Variants in SPATA13 observed in about 807,000 individuals in gnomAD.
SPATA13 encodes spermatogenesis associated 13, also known as spermatogenesis-associated protein 13.
In SPATA13, 50 loss-of-function variants were observed where a neutral mutation model predicts 104.0. That is an observed-to-expected ratio of 0.48 (90% CI 0.38 to 0.61). The LOEUF is 0.61. Ranked by LOEUF, SPATA13 falls within the 20% of genes least tolerant of loss-of-function variation. SPATA13 has a pLI of 0.00. For missense variants in SPATA13, 1,524 were observed against 1,690.6 expected (o/e 0.90, Z 1.73); for synonymous variants, 606 against 667.5 (o/e 0.91, Z 1.42).
intron 4 of SPATA13, among the ~76,000 whole-genome samples, chr13:24,265,173 C>G (rs1260778577): frequency 6.6e-6 from 1 of 152,188 alleles, no homozygotes; most frequent in African/African-American, 2.4e-5. Flanking sequence ...GCCCGCCCCT[C>G]CTGTGGTGAA....
chr13:24,084,148 A>T (rs1239899860), intron 3 of SPATA13, among the ~76,000 whole-genome samples: 1 of 152,210 alleles, frequency 6.6e-6, no homozygotes, highest in Non-Finnish European at 1.5e-5. Context: ...CCTGATCCTA[A>T]TTATCTTCCG....
rs962137243 is a variant in SPATA13, at chr13:24,105,861, G to C, written c.-112+88160G>C. On this transcript the variant is annotated intron_variant, in intron 3 of 14. Transcript: ENST00000424834. ...AGAAATTAGGACACAGACACACACA[G>C]AGGGTAGACCTTGTGAAGACACAGG... Among the ~76,000 whole-genome samples the C allele has an allele frequency of 5.9e-5, 9 of 152,142 alleles. No individual in the cohort carries two copies. The South Asian group carries it at 8.3e-4, about 14-fold the overall frequency.
chr13:24,271,151 G>A (rs1490796411), intron 4 of SPATA13, among the ~76,000 whole-genome samples: 1 of 151,848 alleles, frequency 6.6e-6, no homozygotes, highest in Non-Finnish European at 1.5e-5. Flanking sequence ...TTTTAGTTGT[G>A]GACATAGTCA....
chr13:24,142,993 G>T (rs572455372), intron 3 of SPATA13, among the ~76,000 whole-genome samples: 1 of 152,156 alleles, frequency 6.6e-6, no homozygotes, highest in Non-Finnish European at 1.5e-5. Flanking sequence ...CGGAGGTTGG[G>T]TTCACACAGA....
intron 1 of SPATA13, among the ~76,000 whole-genome samples, chr13:24,169,155 G>A (rs368175248): frequency 5.8e-4 from 89 of 152,212 alleles, no homozygotes; most frequent in African/African-American, 2.0e-3. Context: ...CAGAACTTTG[G>A]TTTCCTGCCC....
intron 3 of SPATA13, among the ~76,000 whole-genome samples, chr13:24,087,034 T>C (rs2862245): frequency 0.97 from 147,331 of 152,322 alleles, 71,418 homozygotes; most frequent in Non-Finnish European, 1. Context: ...GAACAGCAAT[T>C]GTGGAGAAAC....
chr13:24,019,850 T>C (rs1876897006), intron 3 of SPATA13, among the ~76,000 whole-genome samples: 1 of 152,206 alleles, frequency 6.6e-6, no homozygotes, highest in South Asian at 2.1e-4. Flanking sequence ...ACATTAGCGT[T>C]CACAGGCATA....
chr13:24,146,181 C>A lies in SPATA13; in HGVS notation c.-111-76638C>A, dbSNP rs186669506. Among the ~76,000 whole-genome samples, 14 of 152,346 alleles carry A rather than the reference C, an allele frequency of 9.2e-5. No homozygotes were observed. The East Asian group carries it at 2.5e-3, about 27-fold the overall frequency. On this transcript the variant is annotated intron_variant, in intron 3 of 14. Coordinates refer to the SPATA13 transcript ENST00000424834. ...ACTTTCTATTTAGGATAGAGGGAGT[C>A]TCAGTCAACAGACTTTGAGTATCTT...
intron 4 of SPATA13, among the ~76,000 whole-genome samples, chr13:24,277,306 T>A (rs1272766893): frequency 6.6e-6 from 1 of 151,656 alleles, no homozygotes; most frequent in African/African-American, 2.4e-5. Context: ...TAGCTGGGTG[T>A]GGTGGCGGGC....
At chr13:24,248,753 G>A (rs1375723282) in intron 2 of SPATA13, among the ~76,000 whole-genome samples, 2 of 152,172 alleles carry the variant, frequency 1.3e-5, no homozygotes, top group East Asian at 1.9e-4. Flanking sequence ...AGTAGTGCAC[G>A]TTATTGAAAG....
intron 3 of SPATA13, among the ~76,000 whole-genome samples, chr13:24,049,782 T>TCATGCAGCCAACAGACAGTATCTGC (rs1878274805): frequency 6.6e-6 from 1 of 152,156 alleles, no homozygotes; most frequent in Non-Finnish European, 1.5e-5. Context: ...CAAGTGTCTG[T>TCATGCAGCCAACAGACAGTATCTGC]CATGCAGCCA....
intron 1 of SPATA13, among the ~76,000 whole-genome samples, chr13:24,189,213 T>G (rs532546006): frequency 8.5e-5 from 13 of 152,212 alleles, no homozygotes; most frequent in Admixed American, 8.5e-4. Context: ...GGCTCATGCC[T>G]GTAATCCCAG....
At chr13:24,192,186 GTTGTA>G (rs1269386097) in intron 1 of SPATA13, among the ~76,000 whole-genome samples, 1 of 152,124 alleles carries the variant, frequency 6.6e-6, no homozygotes, top group Non-Finnish European at 1.5e-5. Flanking sequence ...AAAAGCAGCT[GTTGTA>G]AACTCTTGTT....
At chr13:24,281,106 T>TGCCATGCCCC (rs1480052316) in intron 4 of SPATA13, among the ~76,000 whole-genome samples, 22 of 151,334 alleles carry the variant, frequency 1.5e-4, no homozygotes, top group Non-Finnish European at 2.4e-4. Context: ...CGCCAGGCCC[T>TGCCATGCCCC]GCCATGCCCC....
chr13:24,033,131 C>A (rs1266638475), intron 3 of SPATA13, among the ~76,000 whole-genome samples: 2 of 152,118 alleles, frequency 1.3e-5, no homozygotes, highest in African/African-American at 4.8e-5. Flanking sequence ...GGTGAAAGTC[C>A]CCAGACCTGC....
intron 2 of SPATA13, among the ~76,000 whole-genome samples, chr13:24,248,916 T>G (rs961084190): frequency 3.9e-5 from 6 of 151,972 alleles, no homozygotes; most frequent in Admixed American, 1.3e-4. Context: ...GCCGTGCTCT[T>G]TCACCCAGGC....
At position 24,038,954 on chromosome 13, in the gene SPATA13, A is replaced by G. The variant is rs140585800; in HGVS notation, c.-112+21253A>G. On this transcript the variant is annotated intron_variant, in intron 3 of 14. Coordinates refer to the SPATA13 transcript ENST00000424834. Reference sequence around the variant, plus strand: ...GCTCATCCCAGGCAATGGGCCAGACAGGCAGCCCTGTGACACAGGCAGGGA... The same window carrying G: ...GCTCATCCCAGGCAATGGGCCAGACGGGCAGCCCTGTGACACAGGCAGGGA... Among the ~76,000 whole-genome samples, 763 of 152,336 alleles carry G rather than the reference A, an allele frequency of 5.0e-3. 7 individuals carry two copies. The highest frequency in any genetic ancestry group is 0.017 in the African/African-American group (718 of 41,576).
intron 2 of SPATA13, among the ~76,000 whole-genome samples, chr13:24,005,050 A>ATATGT (rs1202753691): frequency 6.6e-6 from 1 of 152,204 alleles, no homozygotes; most frequent in African/African-American, 2.4e-5. Flanking sequence ...TATCTTTGCC[A>ATATGT]CATTGCTTTC....
intron 1 of SPATA13, chr13:24,162,291 C>T (rs888395600): frequency 1.3e-5 from 2 of 153,856 alleles, no homozygotes; most frequent in African/African-American, 2.4e-5. Flanking sequence ...GCTTTCTTCC[C>T]TTTGCCCTAC....
Sources: gnomAD v4.1 joint callset for allele counts (sites outside exome capture counted in the v4.1 genomes callset) on GRCh38, gnomAD v4.1.1 for gene constraint, MANE v1.5 for transcripts, NCBI Gene and HGNC (gene_info 2026-07-23, HGNC 2026-07-21) for gene names.